The following VDAC1 variants were observed in gnomAD, a reference collection of about 807,000 sequenced individuals.
The protein encoded by VDAC1 is non-selective voltage-gated ion channel VDAC1.
A neutral mutation model predicts 34.7 loss-of-function variants in VDAC1; 10 were observed. The observed-to-expected ratio is 0.29, with a 90% CI of 0.18 to 0.49. The LOEUF is 0.49. Ranked by LOEUF, VDAC1 falls within the 20% of genes least tolerant of loss-of-function variation. VDAC1 has a pLI of 0.99. For missense variants in VDAC1, 230 were observed against 347.9 expected, an observed-to-expected ratio of 0.66 and a Z score of 2.69; for synonymous variants, 130 against 136.0, an observed-to-expected ratio of 0.96 and a Z score of 0.30.
At chr5:134,076,782 G>T in the VDAC1 span, among the ~76,000 whole-genome samples, 607 of 152,238 alleles carry the variant, frequency 4.0e-3, 4 homozygotes, top group African/African-American at 0.014. Flanking sequence ...GGTACAGGAG[G>T]CTGAAGAGGC....
At chr5:134,000,708 A>G (rs933832434) in intron 1 of VDAC1, among the ~76,000 whole-genome samples, 1 of 124 alleles carries the variant, frequency 8.1e-3, no homozygotes, top group Admixed American at 0.25. Context: ...GGAGAAAGAG[A>G]GCCTGGATGG....
the VDAC1 span, among the ~76,000 whole-genome samples, chr5:134,019,025 C>G: frequency 6.6e-6 from 1 of 152,178 alleles, no homozygotes; most frequent in South Asian, 2.1e-4. Context: ...CCCCATGCAT[C>G]TCGCATCTCC....
At chr5:134,019,628 C>G in the VDAC1 span, among the ~76,000 whole-genome samples, 2 of 152,218 alleles carry the variant, frequency 1.3e-5, no homozygotes, top group East Asian at 3.9e-4. Flanking sequence ...TTCCCCACCT[C>G]CTATCCTTCC....
At chr5:134,062,017 C>T in the VDAC1 span, among the ~76,000 whole-genome samples, 1 of 151,354 alleles carries the variant, frequency 6.6e-6, no homozygotes, top group East Asian at 1.9e-4. Flanking sequence ...CTTGCTCTGT[C>T]GTCCAGGCTG....
At chr5:134,096,288 G>A in the VDAC1 span, among the ~76,000 whole-genome samples, 1 of 152,254 alleles carries the variant, frequency 6.6e-6, no homozygotes, top group Non-Finnish European at 1.5e-5. Context: ...CCTCTCTCCA[G>A]TGCTCCTTTG....
the VDAC1 span, among the ~76,000 whole-genome samples, chr5:134,093,487 C>G: frequency 6.6e-6 from 1 of 152,298 alleles, no homozygotes; most frequent in East Asian, 1.9e-4. Context: ...GCCATGCACT[C>G]CAGGCCAGGG....
At chr5:134,037,880 C>A in the VDAC1 span, among the ~76,000 whole-genome samples, 1 of 152,150 alleles carries the variant, frequency 6.6e-6, no homozygotes, top group African/African-American at 2.4e-5. Flanking sequence ...ATGTTAACTC[C>A]TTTTATAGAT....
At chr5:134,075,157 A>T in the VDAC1 span, among the ~76,000 whole-genome samples, 2 of 152,050 alleles carry the variant, frequency 1.3e-5, no homozygotes, top group Non-Finnish European at 2.9e-5. Flanking sequence ...TACTAGTTAC[A>T]CTCCTATGCA....
chr5:134,068,853 G>A, the VDAC1 span, among the ~76,000 whole-genome samples: 4 of 152,026 alleles, frequency 2.6e-5, no homozygotes, highest in Non-Finnish European at 5.9e-5. Flanking sequence ...TATCCTCTGT[G>A]CATCTTGGTC....
the VDAC1 span, among the ~76,000 whole-genome samples, chr5:134,036,839 G>A: frequency 1.3e-5 from 2 of 151,896 alleles, no homozygotes; most frequent in African/African-American, 2.4e-5. Flanking sequence ...TGTAGTCCCA[G>A]CTACTTGGGA....
At chr5:134,058,261 G>A in the VDAC1 span, among the ~76,000 whole-genome samples, 4 of 151,900 alleles carry the variant, frequency 2.6e-5, no homozygotes, top group Admixed American at 6.6e-5. Flanking sequence ...AGTGGCCAGC[G>A]GACCCAGGTC....
At chr5:134,032,357 A>C in the VDAC1 span, among the ~76,000 whole-genome samples, 29,071 of 151,976 alleles carry the variant, frequency 0.19, 3,124 homozygotes, top group East Asian at 0.45. Context: ...TAAGCCAATA[A>C]ATGTATGGTA....
chr5:134,113,422 CTGGGCCTGGACCCGGAG>C, the VDAC1 span, among the ~76,000 whole-genome samples: 2 of 152,246 alleles, frequency 1.3e-5, no homozygotes, highest in Non-Finnish European at 2.9e-5. Flanking sequence ...GCCAGCCACG[CTGGGCCTGGACCCGGAG>C]GGAGGCACGG....
the VDAC1 span, among the ~76,000 whole-genome samples, chr5:134,065,001 T>G: frequency 1.3e-5 from 2 of 152,310 alleles, no homozygotes; most frequent in Non-Finnish European, 2.9e-5. Context: ...ATTATAGGCA[T>G]GAGCCACCAT....
At chr5:134,074,650 TCTC>T in the VDAC1 span, among the ~76,000 whole-genome samples, 1 of 152,038 alleles carries the variant, frequency 6.6e-6, no homozygotes, top group African/African-American at 2.4e-5. Context: ...CCAGGCCTCT[TCTC>T]CTCCAGGTTT....
At chr5:134,091,310 C>G in the VDAC1 span, among the ~76,000 whole-genome samples, 1 of 152,146 alleles carries the variant, frequency 6.6e-6, no homozygotes, top group Non-Finnish European at 1.5e-5. Flanking sequence ...CTGAAGGTTA[C>G]CACTATTCCA....
chr5:134,035,503 C>G, the VDAC1 span, among the ~76,000 whole-genome samples: 1 of 152,216 alleles, frequency 6.6e-6, no homozygotes, highest in African/African-American at 2.4e-5. Flanking sequence ...CCACCTTGGT[C>G]TCCCAAAGTG....
intron 3 of VDAC1, among the ~76,000 whole-genome samples, chr5:133,992,032 T>G (rs1395445292): frequency 1.3e-5 from 2 of 151,738 alleles, no homozygotes; most frequent in Admixed American, 1.3e-4. Context: ...AAGTCGGGAG[T>G]TCAAGACCAG....
chr5:134,083,194 T>C, the VDAC1 span, among the ~76,000 whole-genome samples: 2 of 150,364 alleles, frequency 1.3e-5, no homozygotes, highest in Admixed American at 6.6e-5. Context: ...TTTTTTCTTT[T>C]TTTTTTTTTT....
Sources: allele counts gnomAD v4.1 joint callset (sites outside exome capture counted in the v4.1 genomes callset), GRCh38; gene constraint gnomAD v4.1.1; transcripts MANE v1.5; gene names NCBI Gene and HGNC (gene_info 2026-07-23, HGNC 2026-07-21).